Variants in COX7B2 observed in about 807,000 individuals in gnomAD.
The protein encoded by COX7B2 is cytochrome c oxidase subunit 7B2, mitochondrial.
For synonymous variants in COX7B2, 37 were observed against 32.1 expected (o/e 1.15, Z -0.51); for missense variants, 109 against 95.9 (o/e 1.14, Z -0.57).
chr4:46,869,053 C>T (rs536357966), intron 1 of COX7B2, among the ~76,000 whole-genome samples: 3 of 152,052 alleles, frequency 2.0e-5, no homozygotes, highest in Non-Finnish European at 4.4e-5. Flanking sequence ...TCTGGGTGCT[C>T]CTGTGTTGGG....
intron 1 of COX7B2, among the ~76,000 whole-genome samples, chr4:46,877,297 A>G (rs1718404045): frequency 6.6e-6 from 1 of 152,190 alleles, no homozygotes. Flanking sequence ...AAATTCAAGG[A>G]CATCTGCGTC....
chr4:46,755,481 G>A (rs572308949), intron 2 of COX7B2, among the ~76,000 whole-genome samples: 5 of 151,812 alleles, frequency 3.3e-5, no homozygotes, highest in Admixed American at 1.3e-4. Flanking sequence ...TCGGGCAAGA[G>A]AAAAAAATAA....
intron 2 of COX7B2, among the ~76,000 whole-genome samples, chr4:46,739,649 A>G (rs1284998001): frequency 2.6e-5 from 4 of 152,090 alleles, no homozygotes; most frequent in Non-Finnish European, 5.9e-5. Flanking sequence ...CCTAAGCTAG[A>G]TCTTGAAATA....
chr4:46,782,875 G>A (rs1243132227), intron 2 of COX7B2, among the ~76,000 whole-genome samples: 2 of 151,944 alleles, frequency 1.3e-5, no homozygotes, highest in African/African-American at 2.4e-5. Flanking sequence ...AACATCTGAG[G>A]GAACCAACTC....
intron 2 of COX7B2, among the ~76,000 whole-genome samples, chr4:46,826,176 A>G (rs148609300): frequency 4.1e-4 from 62 of 152,270 alleles, no homozygotes; most frequent in African/African-American, 1.4e-3. Context: ...AAAATTTACA[A>G]GAGAAAAACA....
intron 2 of COX7B2, among the ~76,000 whole-genome samples, chr4:46,822,257 G>A (rs1051385773): frequency 1.3e-5 from 2 of 152,106 alleles, no homozygotes; most frequent in Admixed American, 1.3e-4. Context: ...TTCTTGAGGA[G>A]AGGACCACAA....
chr4:46,756,474 C>T (rs1450619867), intron 2 of COX7B2, among the ~76,000 whole-genome samples: 1 of 151,988 alleles, frequency 6.6e-6, no homozygotes, highest in Non-Finnish European at 1.5e-5. Context: ...TAAAAAGCTT[C>T]TGTACAGCAA....
chr4:46,879,299 A>T (rs955023604), intron 1 of COX7B2, among the ~76,000 whole-genome samples: 1 of 152,116 alleles, frequency 6.6e-6, no homozygotes, highest in Non-Finnish European at 1.5e-5. Flanking sequence ...TCCTACTTAT[A>T]GCCATGTACC....
At chr4:46,906,510 T>A (rs943171350) in intron 1 of COX7B2, among the ~76,000 whole-genome samples, 5 of 152,258 alleles carry the variant, frequency 3.3e-5, no homozygotes, top group African/African-American at 9.6e-5. Context: ...CTTAGGAAGT[T>A]GAATTTCTAA....
In COX7B2 at chr4:46,792,492, C is replaced by T. The variant is rs185348259; in HGVS notation, c.-50+52468G>A. Among the ~76,000 whole-genome samples, 447 of 152,270 alleles carry T rather than the reference C, an allele frequency of 2.9e-3. 1 individual carries two copies. The highest frequency in any genetic ancestry group is 5.0e-3 in the Admixed American group (76 of 15,304). ...AAGGTAAAATAAGTTTGAATTCTCT[C>T]TTTCTCTCTCTCCCCCTGACACTCA... is the stretch of plus-strand genomic sequence containing the variant. On this transcript the variant is annotated intron_variant, in intron 2 of 2. Transcript: ENST00000355591.
intron 2 of COX7B2, among the ~76,000 whole-genome samples, chr4:46,832,122 C>G (rs752045241): frequency 6.6e-6 from 1 of 152,140 alleles, no homozygotes; most frequent in Non-Finnish European, 1.5e-5. Flanking sequence ...CTGCTCGGGT[C>G]CCCTTCCACA....
At chr4:46,760,513 C>T (rs1271743087) in intron 2 of COX7B2, among the ~76,000 whole-genome samples, 1 of 151,902 alleles carries the variant, frequency 6.6e-6, no homozygotes. Flanking sequence ...ACAATGAGAA[C>T]ACATGGACAC....
chr4:46,905,668 A>G (rs1349635455), intron 1 of COX7B2, among the ~76,000 whole-genome samples: 1 of 152,182 alleles, frequency 6.6e-6, no homozygotes, highest in Non-Finnish European at 1.5e-5. Flanking sequence ...GTTTTAATTA[A>G]GTATAAAATT....
At chr4:46,891,220 G>T (rs1339537085) in intron 1 of COX7B2, among the ~76,000 whole-genome samples, 2 of 152,118 alleles carry the variant, frequency 1.3e-5, no homozygotes, top group African/African-American at 4.8e-5. Flanking sequence ...AATCAAGTTT[G>T]GATATATCAT....
chr4:46,889,020 T>G (rs1719258057), intron 1 of COX7B2, among the ~76,000 whole-genome samples: 1 of 152,192 alleles, frequency 6.6e-6, no homozygotes, highest in South Asian at 2.1e-4. Flanking sequence ...CTTGAGGGGA[T>G]GGATACCCCA....
rs116659276 is a variant in COX7B2 at position 46,792,785 on chromosome 4, G to C, written c.-50+52175C>G. Among the ~76,000 whole-genome samples, 587 of 152,286 alleles carry C rather than the reference G, an allele frequency of 3.9e-3. 5 individuals are homozygous for C. Among genetic ancestry groups the C allele is most frequent in the African/African-American group, 0.014 (570 of 41,548 alleles). ...TACCTAGAGTGACTGTAGAGTAAAA[G>C]AATTTTAAGGACAAGTTTTCTAAAT... On this transcript the variant is annotated intron_variant, in intron 2 of 2. Coordinates refer to ENST00000355591, the MANE Select transcript of COX7B2 (RefSeq NM_130902.3).
intron 1 of COX7B2, among the ~76,000 whole-genome samples, chr4:46,893,977 A>G (rs1365264540): frequency 2.0e-5 from 3 of 152,152 alleles, no homozygotes; most frequent in African/African-American, 4.8e-5. Flanking sequence ...TGATCTCTAC[A>G]ATGAGAATTC....
At chr4:46,902,393 C>T (rs1266294872) in intron 1 of COX7B2, among the ~76,000 whole-genome samples, 2 of 152,168 alleles carry the variant, frequency 1.3e-5, no homozygotes, top group African/African-American at 4.8e-5. Flanking sequence ...ATTCTATAAT[C>T]CCTTCCATAT....
At chr4:46,893,140 A>G (rs986035298) in intron 1 of COX7B2, among the ~76,000 whole-genome samples, 2 of 152,134 alleles carry the variant, frequency 1.3e-5, no homozygotes, top group African/African-American at 4.8e-5. Flanking sequence ...GGATAAGTAG[A>G]GTTAAGGAAT....
Sources: gnomAD v4.1 joint callset for allele counts (sites outside exome capture counted in the v4.1 genomes callset) on GRCh38, gnomAD v4.1.1 for gene constraint, MANE v1.5 for transcripts, NCBI Gene and HGNC (gene_info 2026-07-23, HGNC 2026-07-21) for gene names.